The following LPCAT1 variants were observed in gnomAD, a reference collection of about 807,000 sequenced individuals.
LPCAT1 encodes the protein lysophosphatidylcholine acyltransferase 1, also known as 1-acylglycerol-3-phosphate O-acyltransferase.
LPCAT1 carries 23 observed loss-of-function variants against 60.9 expected under a neutral mutation model. The observed-to-expected ratio is 0.38, with a 90% CI of 0.27 to 0.53. The LOEUF (loss-of-function observed/expected upper bound fraction) is 0.53. Ranked by LOEUF, LPCAT1 falls within the 20% of genes least tolerant of loss-of-function variation. The pLI is 0.82. For synonymous variants in LPCAT1, 340 were observed against 301.1 expected, an observed-to-expected ratio of 1.13 and a Z score of -1.34; for missense variants, 622 against 723.6, an observed-to-expected ratio of 0.86 and a Z score of 1.61.
Position 1,480,907 on chromosome 5 carries a change from A to T in LPCAT1, c.761+35T>A. 1.2e-6 allele frequency: 2 copies of T among 1,613,556 alleles called. No homozygotes were observed. The highest frequency in any genetic ancestry group is 1.7e-6 in the Non-Finnish European group (2 of 1,179,748). On this transcript the variant is annotated intron_variant, in intron 7 of 13. Transcript: ENST00000283415. This position sits in a 1 kb window ranked among gnomAD's most constrained non-coding sequence, Gnocchi z 6.4. ...GCAGCCCCTACGTGTTCATGGAACA[A>T]CAGGACAAAGAGGACGACACGGCGT... is the stretch of plus-strand genomic sequence containing the variant.
chr5:1,499,300 G>A (rs1033222269), intron 2 of LPCAT1, among the ~76,000 whole-genome samples: 3 of 152,174 alleles, frequency 2.0e-5, no homozygotes, highest in African/African-American at 7.2e-5. Context: ...CGGGGAGCTC[G>A]GCCCAACAAG....
chr5:1,465,508 CGT>C (rs1391979824), intron 13 of LPCAT1, among the ~76,000 whole-genome samples: 2 of 141,558 alleles, frequency 1.4e-5, no homozygotes, highest in African/African-American at 2.7e-5. Flanking sequence ...ACAGTAAACA[CGT>C]GTGCACACAC....
At chr5:1,466,626 C>G (rs181085929) in intron 13 of LPCAT1, 123 bp downstream of exon 13, 1 of 1,101,160 alleles carries the variant, frequency 9.1e-7, no homozygotes, top group African/African-American at 1.6e-5. Context: ...CACAGGGCAG[C>G]CTGGTGAATG....
chr5:1,498,052 G>C (rs1294459806), intron 2 of LPCAT1, among the ~76,000 whole-genome samples: 2 of 152,242 alleles, frequency 1.3e-5, no homozygotes, highest in Non-Finnish European at 2.9e-5. Flanking sequence ...GAAAGCCTAA[G>C]ATTTTTATTT....
In LPCAT1 at chr5:1,463,587, G is replaced by A. The variant is rs779070843; in HGVS notation, c.*64C>T. On this transcript the variant is annotated 3_prime_UTR_variant, in exon 14 of 14. Coordinates refer to ENST00000283415, the MANE Select transcript of LPCAT1 (RefSeq NM_024830.5). ...GAGGAGCGGAGCCCAGAGGTCACTC[G>A]CAAAGAGGCTCATGGCGGTGATGTC... 11 of 1,568,260 alleles carry A rather than the reference G, an allele frequency of 7.0e-6. No homozygotes were observed. The highest frequency in any genetic ancestry group is 8.7e-6 in the Non-Finnish European group (10 of 1,149,884).
At chr5:1,471,767 AG>A (rs1201720885) in intron 11 of LPCAT1, among the ~76,000 whole-genome samples, 1 of 150,194 alleles carries the variant, frequency 6.7e-6, no homozygotes, top group African/African-American at 2.5e-5. Flanking sequence ...CACACAGGAT[AG>A]GGGGGAGGAC....
At chr5:1,465,305 C>G (rs1476426325) in intron 13 of LPCAT1, among the ~76,000 whole-genome samples, 1 of 129,684 alleles carries the variant, frequency 7.7e-6, no homozygotes, top group African/African-American at 3.3e-5. Flanking sequence ...AACACATGTG[C>G]GCGCACACAC....
intron 11 of LPCAT1, among the ~76,000 whole-genome samples, chr5:1,471,530 C>A (rs1349933427): frequency 6.6e-6 from 1 of 152,172 alleles, no homozygotes; most frequent in Non-Finnish European, 1.5e-5. Flanking sequence ...GCAGGGTGTG[C>A]CCAGGCCACA....
At position 1,520,838 on chromosome 5, in the gene LPCAT1, G is replaced by C. The variant is rs1321177840; in HGVS notation, c.135+2872C>G. ...ATATCGCACCTCTGCACTCCAGCCT[G>C]GGCGACAGAGAGAGACTGTCTCAAA... On this transcript the variant is annotated intron_variant, in intron 1 of 13. Coordinates refer to ENST00000283415, the MANE Select transcript of LPCAT1 (RefSeq NM_024830.5). Among the ~76,000 whole-genome samples, 3 of 139,016 alleles carry C rather than the reference G, an allele frequency of 2.2e-5. No individual in the cohort carries two copies. In the East Asian group the frequency reaches 6.3e-4, roughly 29 times the overall value. The allele number at this position is 139,016 out of a possible 152,430, so 91.2% of individuals were successfully genotyped here. A position where few individuals can be genotyped will look rare whatever the true frequency, so the allele number is the denominator to read the frequency against.
In LPCAT1 at chr5:1,472,657, A is replaced by G. The variant is rs182973454; in HGVS notation, c.1179+1300T>C. On this transcript the variant is annotated intron_variant, in intron 11 of 13. Transcript: ENST00000283415. ...AATGCTGCCTGTGAAACCAGTATTC[A>G]CCATTTCACGTTTCAATTCCAACAC... Among the ~76,000 whole-genome samples the G allele has an allele frequency of 2.7e-4, 41 of 152,314 alleles. No homozygotes were observed. The East Asian group carries it at 3.5e-3, about 13-fold the overall frequency.
rs1274533151 is a variant in LPCAT1, at chr5:1,480,141, C to T, written c.762-466G>A. Among the ~76,000 whole-genome samples, 1 of 151,908 alleles carries T rather than the reference C, an allele frequency of 6.6e-6. No individual in the cohort carries two copies. Among genetic ancestry groups the T allele is most frequent in the East Asian group, 1.9e-4 (1 of 5,170 alleles). ...AGCTGCTCCCAGGGCCACACTCACGCCTCCGACAGCCCAGTGCCCCAACCC... is the reference window on the plus strand; with the variant it reads ...AGCTGCTCCCAGGGCCACACTCACGTCTCCGACAGCCCAGTGCCCCAACCC... On this transcript the variant is annotated intron_variant, in intron 7 of 13. Coordinates refer to ENST00000283415, the MANE Select transcript of LPCAT1 (RefSeq NM_024830.5). This position sits in a 1 kb window ranked among gnomAD's most constrained non-coding sequence, Gnocchi z 6.4.
At chr5:1,517,475 AC>A (rs1450903066) in intron 1 of LPCAT1, among the ~76,000 whole-genome samples, 7 of 152,170 alleles carry the variant, frequency 4.6e-5, no homozygotes, top group Non-Finnish European at 1.0e-4. Context: ...ACAGGGAGCC[AC>A]GTTCTCCGCT....
rs115230272 is a variant in LPCAT1 at position 1,480,737 on chromosome 5, C to A, written c.761+205G>T. On this transcript the variant is annotated intron_variant, in intron 7 of 13. Transcript: ENST00000283415. The surrounding 1 kb of genome is among the most constrained non-coding windows in gnomAD (Gnocchi z 6.4). ...GTTCCCTTCCTGCTGGTACTGAAGA[C>A]GTGCAACTTAAGACCCCAGAATCCA... 6.6e-6 allele frequency among the ~76,000 whole-genome samples: 1 copy of A among 152,204 alleles called. No individual in the cohort carries two copies. The highest frequency in any genetic ancestry group is 2.1e-4 in the South Asian group (1 of 4,832).
intron 2 of LPCAT1, among the ~76,000 whole-genome samples, chr5:1,498,540 C>T (rs1735880061): frequency 6.6e-6 from 1 of 152,278 alleles, no homozygotes; most frequent in East Asian, 1.9e-4. Context: ...TGCACACACA[C>T]ACTCATACAT....
intron 1 of LPCAT1, chr5:1,510,785 C>G (rs568414757): frequency 1.3e-5 from 2 of 152,586 alleles, no homozygotes; most frequent in Non-Finnish European, 2.9e-5. Flanking sequence ...CCGCCTGGGC[C>G]GTGGTGCTGC....
In LPCAT1 at chr5:1,483,410, CA is replaced by C; in HGVS notation, c.726+17del. ...GGAGAATTCCCCTGGAAGCTGACCCCAAAAAAACACAACTCACCAGTTTATT... is the reference window on the plus strand; with the variant it reads ...GGAGAATTCCCCTGGAAGCTGACCCCAAAAAACACAACTCACCAGTTTATT... On this transcript the variant is annotated intron_variant, in intron 6 of 13. Transcript: ENST00000283415. This position sits in a 1 kb window ranked among gnomAD's most constrained non-coding sequence, Gnocchi z 9.2. 1 of 1,613,382 alleles carries C rather than the reference CA, an allele frequency of 6.2e-7. No individual in the cohort carries two copies. The highest frequency in any genetic ancestry group is 1.1e-5 in the South Asian group (1 of 91,070).
At chr5:1,505,721 C>A (rs1377273091) in intron 1 of LPCAT1, among the ~76,000 whole-genome samples, 1 of 152,232 alleles carries the variant, frequency 6.6e-6, no homozygotes, top group Non-Finnish European at 1.5e-5. Context: ...CCTCGACTTA[C>A]ACATTCCTGC....
chr5:1,483,545 G>T lies in LPCAT1; in HGVS notation c.668-59C>A. On this transcript the variant is annotated intron_variant, in intron 5 of 13. Transcript: ENST00000283415. This position sits in a 1 kb window ranked among gnomAD's most constrained non-coding sequence, Gnocchi z 9.2. ...CAGCCCACGCAGGACAGCGTCTGCT[G>T]CGTTTCTCATGCTGCCCTTGGGATA... The T allele has an allele frequency of 1.3e-6, 2 of 1,557,532 alleles. No individual in the cohort carries two copies. The highest frequency in any genetic ancestry group is 1.8e-6 in the Non-Finnish European group (2 of 1,132,180).
rs1410120657 is a variant in LPCAT1, at chr5:1,462,070, GGTT to G, written c.*1578_*1580del. On this transcript the variant is annotated 3_prime_UTR_variant, in exon 14 of 14. Coordinates refer to ENST00000283415, the MANE Select transcript of LPCAT1 (RefSeq NM_024830.5). The stretch of plus-strand genomic sequence containing the variant: ...GGTGATTGATTGAAACGGAGCTGAA[GGTT>G]GTTTTTAAATGTCTGTCAGTGGAGA... 5 of 152,422 alleles carry G rather than the reference GGTT, an allele frequency of 3.3e-5. No individual in the cohort carries two copies. Among genetic ancestry groups the G allele is most frequent in the Non-Finnish European group, 7.3e-5 (5 of 68,044 alleles). The allele number at this position is 152,422 out of a possible 1,614,324, so 9.4% of individuals were successfully genotyped here.
Sources: allele counts gnomAD v4.1 joint callset (sites outside exome capture counted in the v4.1 genomes callset), GRCh38; gene constraint gnomAD v4.1.1; non-coding constraint Gnocchi (gnomAD v3.1); transcripts MANE v1.5; gene names NCBI Gene and HGNC (gene_info 2026-07-23, HGNC 2026-07-21).